Variants in SAG observed in about 807,000 individuals in gnomAD.
The protein encoded by SAG is S-antigen visual arrestin, also known as S-arrestin.
In SAG, 45 loss-of-function variants were observed where a neutral mutation model predicts 55.0. The ratio of observed to expected loss-of-function variants is 0.82; its 90% confidence interval spans 0.64 to 1.05. SAG has a LOEUF of 1.05. Among genes scored for constraint, SAG ranks in the 50% least tolerant of loss-of-function variants. The pLI, the probability that SAG is intolerant of heterozygous loss-of-function variation, is 0.00. For missense variants in SAG, 455 were observed against 512.1 expected (o/e 0.89, Z 1.08); for synonymous variants, 189 against 197.4 (o/e 0.96, Z 0.36).
chr2:233,316,671 G>A (rs752584802), intron 3 of SAG, among the ~76,000 whole-genome samples: 1 of 152,116 alleles, frequency 6.6e-6, no homozygotes, highest in Non-Finnish European at 1.5e-5. Flanking sequence ...TATGAAGAAC[G>A]CTCAGAACTC....
chr2:233,336,135 A>C (rs1214770876), intron 11 of SAG, among the ~76,000 whole-genome samples: 1 of 152,258 alleles, frequency 6.6e-6, no homozygotes, highest in Non-Finnish European at 1.5e-5. Flanking sequence ...AGATCAATGT[A>C]TTCAAGGGCG....
chr2:233,320,549 C>A, intron 4 of SAG, 81 bp from the exon 5 acceptor site: 1 of 1,133,914 alleles, frequency 8.8e-7, no homozygotes, highest in South Asian at 1.6e-5. Flanking sequence ...GTTGAAAACC[C>A]GTGTTCGCTG....
Position 233,347,010 on chromosome 2 carries a change from G to A in SAG, c.*98G>A, listed in dbSNP as rs184255686. On this transcript the variant is annotated 3_prime_UTR_variant, in exon 16 of 16. Transcript: ENST00000409110. This position sits in a 1 kb window ranked among gnomAD's most constrained non-coding sequence, Gnocchi z 4.5. ...CTTTGGAGTTATGCTGCGTATGAAA[G>A]GATGAGTCTTCTTCCGAGAAATAAA... 331 of 681,922 alleles carry A rather than the reference G, an allele frequency of 4.9e-4. No individual in the cohort carries two copies. Among genetic ancestry groups the A allele is most frequent in the Non-Finnish European group, 7.8e-4 (301 of 386,530 alleles). The allele number at this position is 681,922 out of a possible 1,614,324, so 42.2% of individuals were successfully genotyped here.
In SAG at chr2:233,318,238, C is replaced by T. The variant is rs1700269111; in HGVS notation, c.137-513C>T. ...GGAGTGCAGTGGCATGATCATGGCT[C>T]ACTGCAGCCTTGACTTCCCGGGCTC... On this transcript the variant is annotated intron_variant, in intron 3 of 15. Coordinates refer to ENST00000409110, the MANE Select transcript of SAG (RefSeq NM_000541.5). Among the ~76,000 whole-genome samples the T allele has an allele frequency of 2.0e-5, 3 of 152,272 alleles. No individual in the cohort carries two copies. In the South Asian group the frequency reaches 6.2e-4, roughly 32 times the overall value.
rs75243053 is a variant in SAG at position 233,320,915 on chromosome 2, T to C, written c.375+92T>C. 1.3e-3 allele frequency: 1,477 copies of C among 1,105,792 alleles called. 17 individuals carry two copies. The African/African-American group carries it at 0.021, about 16-fold the overall frequency. 68.5% of individuals were successfully genotyped at this position (1,105,792 alleles called of 1,614,324 possible). A position where few individuals can be genotyped will look rare whatever the true frequency, so the allele number is the denominator to read the frequency against. ...AAGGAAAGGGGATAGAGGAAGAACT[T>C]CACATCTGCAGGCCTGGAAATTGCA... On this transcript the variant is annotated intron_variant, in intron 5 of 15. Transcript: ENST00000409110.
Position 233,337,492 on chromosome 2 carries a change from G to T in SAG, c.945-1184G>T, listed in dbSNP as rs1295892497. On this transcript the variant is annotated intron_variant, in intron 11 of 15. Transcript: ENST00000409110. ...GAACTCAAGCGATCTGCCCGCCTCC[G>T]TCTCCCAAAGTGCTGGGATTAAAGG... Among the ~76,000 whole-genome samples the T allele has an allele frequency of 2.0e-5, 3 of 152,098 alleles. No homozygotes were observed. The East Asian group carries it at 5.8e-4, about 29-fold the overall frequency.
At chr2:233,331,744 G>A in intron 10 of SAG, 32 bp downstream of exon 10, 1 of 1,513,782 alleles carries the variant, frequency 6.6e-7, no homozygotes, top group Non-Finnish European at 9.2e-7. Flanking sequence ...CGTTTCCTGG[G>A]CGTCTCAGCC....
intron 12 of SAG, among the ~76,000 whole-genome samples, chr2:233,339,579 G>A (rs1701038410): frequency 6.8e-6 from 1 of 147,538 alleles, no homozygotes; most frequent in African/African-American, 2.6e-5. Context: ...TGCATAAAAG[G>A]ATCTAAAAAC....
intron 15 of SAG, among the ~76,000 whole-genome samples, 165 bp downstream of exon 15, chr2:233,346,577 C>T (rs919031706): frequency 2.0e-5 from 3 of 152,220 alleles, no homozygotes; most frequent in East Asian, 1.9e-4. Flanking sequence ...ACGGCACGCA[C>T]GCACCATTAC....
intron 5 of SAG, among the ~76,000 whole-genome samples, chr2:233,321,522 C>T (rs1700379947): frequency 6.6e-6 from 1 of 152,170 alleles, no homozygotes; most frequent in Non-Finnish European, 1.5e-5. Flanking sequence ...GACAAATACT[C>T]TATGGTTTCA....
In SAG at chr2:233,320,797, A is replaced by G. The variant is rs1300411942; in HGVS notation, c.349A>G (p.Ser117Gly). The G allele has an allele frequency of 6.2e-7, 1 of 1,600,708 alleles. No homozygotes were observed. Among genetic ancestry groups the G allele is most frequent in the Admixed American group, 1.7e-5 (1 of 58,068 alleles). ...AGAGAGCCTGCTTAAAAAGCTGGGG[A>G]GCAACACGTACCCCTTTCTCCTGAC... ...LQESLLKKLG[S>G]NTYPFLLTFP... The change falls in exon 5 of 16, where the codon AGC becomes GGC. Residue 117 changes from serine to glycine, a missense_variant. Ser to Gly is a moderately conservative substitution (Grantham distance 56, BLOSUM62 0). Coordinates refer to ENST00000409110, the MANE Select transcript of SAG (RefSeq NM_000541.5).
intron 15 of SAG, 86 bp from the exon 16 acceptor site, chr2:233,346,721 C>T: frequency 1.0e-6 from 1 of 955,506 alleles, no homozygotes. Context: ...TGATCAGTTC[C>T]TTCGTTGCAA....
chr2:233,341,904 A>G (rs1487215876), intron 13 of SAG, among the ~76,000 whole-genome samples: 1 of 152,162 alleles, frequency 6.6e-6, no homozygotes, highest in Non-Finnish European at 1.5e-5. Context: ...GGATCACTTG[A>G]GATCAGGAGT....
At chr2:233,335,810 G>A (rs960935554) in intron 11 of SAG, among the ~76,000 whole-genome samples, 11 of 152,198 alleles carry the variant, frequency 7.2e-5, no homozygotes, top group African/African-American at 1.7e-4. Context: ...TTCCCTTCCC[G>A]GGAGCATGTC....
At position 233,334,997 on chromosome 2, in the gene SAG, C is replaced by G. The variant is rs759470517; in HGVS notation, c.842C>G (p.Thr281Arg). 1.2e-6 allele frequency: 2 copies of G among 1,613,914 alleles called. No individual in the cohort carries two copies. Among genetic ancestry groups the G allele is most frequent in the African/African-American group, 2.7e-5 (2 of 74,944 alleles). ...KVPPNSTLTK[T>R]LTLLPLLANN... ...CCACCAAACAGCACTTTGACCAAGACGCTGACGCTGCTGCCCTTGCTGGCT... is the reference window on the plus strand; with the variant it reads ...CCACCAAACAGCACTTTGACCAAGAGGCTGACGCTGCTGCCCTTGCTGGCT... Residue 281 changes from threonine (T) to arginine (R), a missense_variant, in exon 11 of 16, where the codon ACG becomes AGG. Coordinates refer to ENST00000409110, the MANE Select transcript of SAG (RefSeq NM_000541.5).
rs553969844 is a variant in SAG at position 233,340,050 on chromosome 2, A to G, written c.1023-405A>G. On this transcript the variant is annotated intron_variant, in intron 12 of 15. Coordinates refer to ENST00000409110, the MANE Select transcript of SAG (RefSeq NM_000541.5). This position sits in a 1 kb window ranked among gnomAD's most constrained non-coding sequence, Gnocchi z 4.2. ...CAGCTCACTGCAACCTCCACCTCCC[A>G]GGTTCAAGCAATTCCCCTGCCTCAG... Among the ~76,000 whole-genome samples the G allele has an allele frequency of 1.5e-3, 232 of 151,594 alleles. 1 individual carries two copies. The highest frequency in any genetic ancestry group is 5.3e-3 in the African/African-American group (219 of 41,274).
intron 14 of SAG, chr2:233,346,060 C>G (rs1204631805): frequency 6.4e-6 from 1 of 156,524 alleles, no homozygotes; most frequent in South Asian, 2.0e-4. Flanking sequence ...GCCTGAGACA[C>G]GAGAAACTCT....
chr2:233,346,737 T>C, intron 15 of SAG, 70 bp from the exon 16 acceptor site: 2 of 1,068,120 alleles, frequency 1.9e-6, no homozygotes, highest in Non-Finnish European at 2.8e-6. Context: ...TGCAAAAAGA[T>C]CAAGGATCTT....
rs1375626487 is a variant in SAG at position 233,307,936 on chromosome 2, CAG to C, written c.-114_-113del. ...CAAGACGGTACCAGCTTGCTCAGAA[CAG>C]GGGCTGGCTATTCATCATCTCAGAG... is the stretch of plus-strand genomic sequence containing the variant. On this transcript the variant is annotated 5_prime_UTR_variant, in exon 1 of 16. Coordinates refer to ENST00000409110, the MANE Select transcript of SAG (RefSeq NM_000541.5). 1.3e-5 allele frequency: 2 copies of C among 152,408 alleles called. No homozygotes were observed. Among genetic ancestry groups the C allele is most frequent in the African/African-American group, 4.8e-5 (2 of 41,464 alleles). 9.4% of individuals were successfully genotyped at this position (152,408 alleles called of 1,614,324 possible).
Sources: gnomAD v4.1 joint callset for allele counts (sites outside exome capture counted in the v4.1 genomes callset) on GRCh38, gnomAD v4.1.1 for gene constraint, Gnocchi (gnomAD v3.1) non-coding constraint, MANE v1.5 for transcripts, NCBI Gene and HGNC (gene_info 2026-07-23, HGNC 2026-07-21) for gene names.